The following NARF variants were observed in gnomAD, a reference collection of about 807,000 sequenced individuals.
NARF encodes iron-only hydrogenase-like protein 2.
Under a neutral mutation model 48.0 loss-of-function variants are expected in NARF, and 41 were observed. The ratio of observed to expected loss-of-function variants is 0.85; its 90% CI spans 0.66 to 1.11. The LOEUF (loss-of-function observed/expected upper bound fraction) is 1.11. Among genes scored for constraint, NARF ranks in the 50% least tolerant of loss-of-function variants. The pLI, the probability that NARF is intolerant of heterozygous loss-of-function variation, is 0.00. For missense variants in NARF, 613 were observed against 590.2 expected, an observed-to-expected ratio of 1.04 and a Z score of -0.40; for synonymous variants, 215 against 225.5, an observed-to-expected ratio of 0.95 and a Z score of 0.42.
chr17:82,476,959 G>A (rs1049848038), intron 5 of NARF: 2 of 151,606 alleles, frequency 1.3e-5, no homozygotes, highest in African/African-American at 4.8e-5. Context: ...TAGAACTCCC[G>A]ACCTCAGGTG....
chr17:82,488,092 G>C lies in NARF; in HGVS notation c.1306G>C (p.Glu436Gln). The C allele has an allele frequency of 6.2e-7, 1 of 1,614,054 alleles. No homozygotes were observed. Among genetic ancestry groups the C allele is most frequent in the South Asian group, 1.1e-5 (1 of 91,086 alleles). ...GGGGATCAACTCCCCCAAGGCCCGA[G>C]AGGTGCTGCATACCACGTACCAGAG... is the stretch of plus-strand genomic sequence containing the variant. ...LEGINSPKAR[E>Q]VLHTTYQSQE... The change falls in exon 11 of 11, where the codon GAG (glutamate) becomes CAG (glutamine). Residue 436 changes from glutamate to glutamine, a missense_variant. Coordinates refer to ENST00000309794, the MANE Select transcript of NARF (RefSeq NM_012336.4).
chr17:82,458,836 C>T lies in NARF; in HGVS notation c.27+6C>T. On this transcript the variant is annotated splice_donor_region_variant and intron_variant, in intron 1 of 10. Coordinates refer to ENST00000309794, the MANE Select transcript of NARF (RefSeq NM_012336.4). ...GTGAGCACTGCACGCGCAAGGTGAG[C>T]GCCGCGGGCCGGGGAGGCGCGCGCC... The T allele has an allele frequency of 2.8e-6, 4 of 1,403,584 alleles. No homozygotes were observed. The highest frequency in any genetic ancestry group is 1.6e-5 in the South Asian group (1 of 61,876). 86.9% of individuals were successfully genotyped at this position (1,403,584 alleles called of 1,614,324 possible).
intron 2 of NARF, chr17:82,463,456 T>G (rs2043484525): frequency 6.6e-6 from 1 of 152,164 alleles, no homozygotes; most frequent in African/African-American, 2.4e-5. Context: ...TGGTGCTGTT[T>G]TAGCAGGTGT....
At chr17:82,467,062 T>A (rs1258691951) in intron 3 of NARF, among the ~76,000 whole-genome samples, 2 of 152,106 alleles carry the variant, frequency 1.3e-5, no homozygotes, top group African/African-American at 4.8e-5. Context: ...TTGACCCTTT[T>A]TTGAGATGGA....
At chr17:82,471,921 G>T (rs564271475) in intron 4 of NARF, among the ~76,000 whole-genome samples, 1 of 152,114 alleles carries the variant, frequency 6.6e-6, no homozygotes, top group African/African-American at 2.4e-5. Flanking sequence ...CTGTGGGTAC[G>T]TTGTAATATT....
At chr17:82,485,785 A>G (rs904029700) in intron 10 of NARF, 131 bp downstream of exon 10, 5 of 1,037,702 alleles carry the variant, frequency 4.8e-6, no homozygotes, top group East Asian at 2.6e-5. Context: ...TTTGTAGGGT[A>G]TGGATGCTCC....
At position 82,488,171 on chromosome 17, in the gene NARF, C is replaced by T. The variant is rs774735317; in HGVS notation, c.*14C>T. The T allele has an allele frequency of 3.7e-6, 6 of 1,609,390 alleles. No homozygotes were observed. The highest frequency in any genetic ancestry group is 1.1e-5 in the South Asian group (1 of 90,910). On this transcript the variant is annotated 3_prime_UTR_variant, in exon 11 of 11. Coordinates refer to ENST00000309794, the MANE Select transcript of NARF (RefSeq NM_012336.4). ...ATCAAGTGGTGAAGTCAGGCCAGGG[C>T]CTTCCAGCTGCTCTTGGGGCCAGAG...
At chr17:82,464,522 G>A (rs2043514970) in intron 3 of NARF, 92 bp downstream of exon 3, 2 of 1,440,762 alleles carry the variant, frequency 1.4e-6, no homozygotes, top group Non-Finnish European at 9.3e-7. Flanking sequence ...CCTCTGCTGG[G>A]ACATCGGATG....
chr17:82,481,270 C>G (rs2043959191), intron 7 of NARF, 59 bp downstream of exon 7: 19 of 1,600,070 alleles, frequency 1.2e-5, no homozygotes, highest in Non-Finnish European at 1.5e-5. Flanking sequence ...GGCCAGTACA[C>G]ACCAGAGCCA....
At chr17:82,476,130 C>T (rs2043826564) in intron 5 of NARF, among the ~76,000 whole-genome samples, 1 of 152,034 alleles carries the variant, frequency 6.6e-6, no homozygotes, top group Non-Finnish European at 1.5e-5. Flanking sequence ...AACTCAGCCT[C>T]CTGAGAAGTT....
intron 6 of NARF, chr17:82,480,577 G>C: frequency 4.9e-6 from 2 of 408,118 alleles, no homozygotes; most frequent in Non-Finnish European, 8.7e-6. Flanking sequence ...AGCCAGATGT[G>C]GCTACAGCAC....
chr17:82,474,919 C>G (rs1364801979), intron 5 of NARF, among the ~76,000 whole-genome samples: 1 of 152,130 alleles, frequency 6.6e-6, no homozygotes, highest in Non-Finnish European at 1.5e-5. Context: ...GTAAGTGATT[C>G]ACAGATTTTT....
intron 6 of NARF, chr17:82,480,342 C>T: frequency 2.5e-6 from 1 of 401,454 alleles, no homozygotes; most frequent in Non-Finnish European, 4.4e-6. Context: ...TGGCTCCATG[C>T]TGGACCAGCA....
chr17:82,487,772 A>AGC, intron 10 of NARF, 144 bp from the exon 11 acceptor site: 8 of 428,168 alleles, frequency 1.9e-5, no homozygotes, highest in East Asian at 5.9e-5. Context: ...ACATAGCAAC[A>AGC]CCCGCCCCTC....
chr17:82,462,397 T>C (rs2043458961), intron 2 of NARF, among the ~76,000 whole-genome samples: 1 of 152,128 alleles, frequency 6.6e-6, no homozygotes, highest in South Asian at 2.1e-4. Flanking sequence ...GTGTTTGTTT[T>C]AGGGCAGGTG....
chr17:82,462,073 T>G (rs2043452442), intron 2 of NARF, among the ~76,000 whole-genome samples: 2 of 152,338 alleles, frequency 1.3e-5, no homozygotes, highest in South Asian at 4.1e-4. Flanking sequence ...TGAGCCTCGT[T>G]TCCTTATCAG....
At chr17:82,479,978 G>A (rs2043922796) in intron 6 of NARF, 1 of 154,328 alleles carries the variant, frequency 6.5e-6, no homozygotes, top group Non-Finnish European at 1.4e-5. Flanking sequence ...GGAGCCCAGA[G>A]CTATGTGTCC....
At chr17:82,465,836 G>T (rs12450240) in intron 3 of NARF, among the ~76,000 whole-genome samples, 19,912 of 152,232 alleles carry the variant, frequency 0.13, 1,746 homozygotes, top group Admixed American at 0.27. Flanking sequence ...AAAGTGTTAG[G>T]ATTATAGGCA....
intron 6 of NARF, 171 bp downstream of exon 6, chr17:82,479,089 C>G (rs78624565): frequency 5.4e-6 from 3 of 559,238 alleles, no homozygotes; most frequent in Non-Finnish European, 9.4e-6. Context: ...CACCAACGCC[C>G]GTCTCTATTC....
Sources: gnomAD v4.1 joint callset for allele counts (sites outside exome capture counted in the v4.1 genomes callset) on GRCh38, gnomAD v4.1.1 for gene constraint, MANE v1.5 for transcripts, NCBI Gene and HGNC (gene_info 2026-07-23, HGNC 2026-07-21) for gene names.